The following BTBD7 variants were observed in gnomAD, a reference collection of about 807,000 sequenced individuals.
BTBD7 encodes the protein BTB domain containing 7.
BTBD7 carries 38 observed loss-of-function variants against 99.9 expected under a neutral mutation model. That is an observed-to-expected ratio of 0.38 (90% confidence interval 0.29 to 0.50). The LOEUF is 0.50. Among genes scored for constraint, BTBD7 ranks in the 20% least tolerant of loss-of-function variants. The pLI, the probability that BTBD7 is intolerant of heterozygous loss-of-function variation, is 0.93. For missense variants in BTBD7, 1,170 were observed against 1,394.6 expected, an observed-to-expected ratio of 0.84 and a Z score of 2.57; for synonymous variants, 520 against 511.4, an observed-to-expected ratio of 1.02 and a Z score of -0.23.
chr14:93,258,495 C>CA (rs1467219537), intron 5 of BTBD7, among the ~76,000 whole-genome samples: 1 of 152,070 alleles, frequency 6.6e-6, no homozygotes, highest in African/African-American at 2.4e-5. Context: ...CTGACTGAAA[C>CA]AAAGCTATGG....
In BTBD7 at chr14:93,246,058, G is replaced by A. The variant is rs761182084; in HGVS notation, c.2350C>T (p.Pro784Ser). ...NQLKAGWKQR[P>S]PSQHPSRSFS... ...GAACGTGAAGGGTGCTGACTGGGAG[G>A]TCTTTGCTTCCAGCCTGCTTTGAGT... The change falls in exon 10 of 11, where the codon CCT becomes TCT. Residue 784 changes from proline to serine, a missense_variant. Physicochemically the swap from Pro to Ser is moderately conservative, Grantham distance 74. This residue lies in a region of BTBD7 where 495 missense variants were observed against 525.9 expected (regional missense o/e 0.94). Transcript: ENST00000334746. The A allele has an allele frequency of 6.8e-6, 11 of 1,606,106 alleles. No individual in the cohort carries two copies. In the African/African-American group the frequency reaches 1.5e-4, roughly 22 times the overall value.
intron 3 of BTBD7, among the ~76,000 whole-genome samples, chr14:93,283,993 CTTAGA>C (rs2052750396): frequency 6.6e-6 from 1 of 152,118 alleles, no homozygotes; most frequent in South Asian, 2.1e-4. Flanking sequence ...AGATACTTAA[CTTAGA>C]TTAAGAATTT....
intron 1 of BTBD7, among the ~76,000 whole-genome samples, chr14:93,323,363 C>G (rs1449098386): frequency 6.6e-6 from 1 of 152,170 alleles, no homozygotes; most frequent in Non-Finnish European, 1.5e-5. Context: ...CCCATCCTTC[C>G]TCCCTTATCA....
intron 3 of BTBD7, among the ~76,000 whole-genome samples, chr14:93,277,817 T>C (rs779082484): frequency 1.3e-5 from 2 of 152,156 alleles, no homozygotes; most frequent in Non-Finnish European, 2.9e-5. Context: ...GGGAGCGTAG[T>C]CTGAAGAGAG....
intron 1 of BTBD7, among the ~76,000 whole-genome samples, chr14:93,323,999 A>G (rs1299893530): frequency 1.3e-5 from 2 of 152,260 alleles, no homozygotes; most frequent in Non-Finnish European, 2.9e-5. Flanking sequence ...TCAGGCATAC[A>G]AGCAATTATA....
At chr14:93,299,738 T>C (rs2052970699) in intron 1 of BTBD7, among the ~76,000 whole-genome samples, 1 of 151,990 alleles carries the variant, frequency 6.6e-6, no homozygotes. Flanking sequence ...AAAAGAGAAG[T>C]CAACTTTCTC....
intron 3 of BTBD7, among the ~76,000 whole-genome samples, chr14:93,283,363 C>T (rs1419552788): frequency 6.6e-6 from 1 of 152,142 alleles, no homozygotes; most frequent in Non-Finnish European, 1.5e-5. Context: ...CAAGTGTGAG[C>T]CACCATCCCC....
Position 93,251,620 on chromosome 14 carries a change from C to T in BTBD7, c.1785G>A (p.Thr595=), listed in dbSNP as rs139162225. ...SVLDEMMVEQ[T]DLVRLRMVRM... is the part of the protein sequence containing the mutation. ...TAACCATTCGCAAGCGCACAAGATC[C>T]GTTTGTTCCACCATCATCTCATCTA... The change falls in exon 8 of 11, where the codon ACG becomes ACA. Residue 595 remains threonine, a synonymous_variant. Transcript: ENST00000334746. 212 of 1,612,962 alleles carry T rather than the reference C, an allele frequency of 1.3e-4. 1 individual carries two copies. In the African/African-American group the frequency reaches 2.2e-3, roughly 17 times the overall value.
rs1305533064 is a variant in BTBD7 at position 93,263,820 on chromosome 14, G to T, written c.1336C>A (p.His446Asn). ...SDVFYELSKD[H>N]LLTAIQSDYL... ...TCAGACTGGATAGCAGTAAGCAGAT[G>T]GTCTTTGCTGAGTTCATAAAAAACA... is the stretch of plus-strand genomic sequence containing the variant. Residue 446 changes from histidine to asparagine, a missense_variant, in exon 4 of 11, where the codon CAT becomes AAT. His to Asn is a moderately conservative substitution (Grantham distance 68). This residue lies in a region of BTBD7 where 309 missense variants were observed against 342.0 expected (regional missense o/e 0.90). Coordinates refer to ENST00000334746, the MANE Select transcript of BTBD7 (RefSeq NM_001002860.4). 1 of 1,614,110 alleles carries T rather than the reference G, an allele frequency of 6.2e-7. No homozygotes were observed. Among genetic ancestry groups the T allele is most frequent in the South Asian group, 1.1e-5 (1 of 91,070 alleles).
intron 1 of BTBD7, among the ~76,000 whole-genome samples, chr14:93,318,368 A>G (rs555739967): frequency 3.9e-5 from 6 of 152,354 alleles, no homozygotes; most frequent in Non-Finnish European, 7.3e-5. Flanking sequence ...GAATACTTAC[A>G]GTGCTCTATT....
chr14:93,294,994 G>A (rs1400980711), intron 2 of BTBD7, 57 bp from the exon 3 acceptor site: 15 of 1,441,324 alleles, frequency 1.0e-5, no homozygotes, highest in East Asian at 4.8e-5. Flanking sequence ...CATTTTCAAC[G>A]TTTAACATTT....
chr14:93,332,227 T>G (rs2053440775), intron 1 of BTBD7: 1 of 152,262 alleles, frequency 6.6e-6, no homozygotes, highest in Admixed American at 6.5e-5. Context: ...CTCCTCTTCT[T>G]TATCAAACAC....
chr14:93,254,232 C>T (rs985631535), intron 6 of BTBD7, among the ~76,000 whole-genome samples: 13 of 152,052 alleles, frequency 8.5e-5, no homozygotes, highest in East Asian at 1.9e-4. Context: ...CCACCGTGCC[C>T]GGTGAAATAC....
chr14:93,294,609 C>A lies in BTBD7; in HGVS notation c.411G>T (p.Glu137Asp). 6.2e-7 allele frequency: 1 copy of A among 1,614,068 alleles called. No homozygotes were observed. The highest frequency in any genetic ancestry group is 8.5e-7 in the Non-Finnish European group (1 of 1,180,038). Residue 137 changes from glutamate to aspartate, a missense_variant, in exon 3 of 11, where the codon GAG becomes GAT. Glu to Asp is a conservative substitution (Grantham distance 45, BLOSUM62 2). Coordinates refer to ENST00000334746, the MANE Select transcript of BTBD7 (RefSeq NM_001002860.4). ...AGTCTACATCAGTACAATACTTGTA[C>A]TCATAAAGATCAGCCATATCTTTCT... ...TLQKDMADLY[E>D]YKYCTDVDLI... is the part of the protein sequence containing the mutation.
rs1054346911 is a variant in BTBD7 at position 93,263,912 on chromosome 14, G to C, written c.1244C>G (p.Ser415Cys). The change falls in exon 4 of 11, where the codon TCT becomes TGT. Residue 415 changes from serine to cysteine, a missense_variant. Physicochemically the swap from Ser to Cys is moderately radical, Grantham distance 112. Coordinates refer to ENST00000334746, the MANE Select transcript of BTBD7 (RefSeq NM_001002860.4). The part of the protein sequence containing the change: ...ILKWSSHPYG[S>C]KWVHRQALHF... ...TAAAGCTTGTCGGTGCACCCATTTA[G>C]AGCCATATGGATGAGAACTCCACTT... The C allele has an allele frequency of 6.2e-7, 1 of 1,614,158 alleles. No individual in the cohort carries two copies. The highest frequency in any genetic ancestry group is 1.3e-5 in the African/African-American group (1 of 75,032).
intron 1 of BTBD7, among the ~76,000 whole-genome samples, chr14:93,325,201 C>T (rs994020131): frequency 4.0e-5 from 6 of 150,588 alleles, no homozygotes; most frequent in Admixed American, 2.7e-4. Flanking sequence ...GCAACCTCCG[C>T]CTCTTGGGGA....
At chr14:93,287,088 G>C (rs953952031) in intron 3 of BTBD7, among the ~76,000 whole-genome samples, 6 of 152,020 alleles carry the variant, frequency 3.9e-5, no homozygotes, top group African/African-American at 9.7e-5. Context: ...AATTAGCCGG[G>C]CATGGTGGCA....
At chr14:93,321,841 G>A (rs1256090217) in intron 1 of BTBD7, among the ~76,000 whole-genome samples, 2 of 151,974 alleles carry the variant, frequency 1.3e-5, no homozygotes, top group Non-Finnish European at 2.9e-5. Flanking sequence ...CATTTGGGAT[G>A]ATATCCAAGA....
At chr14:93,317,211 G>A (rs1345181347) in intron 1 of BTBD7, among the ~76,000 whole-genome samples, 1 of 152,042 alleles carries the variant, frequency 6.6e-6, no homozygotes, top group African/African-American at 2.4e-5. Flanking sequence ...CACTATGTTG[G>A]CCAGGCTGGT....
Sources: allele counts gnomAD v4.1 joint callset (sites outside exome capture counted in the v4.1 genomes callset), GRCh38; gene constraint gnomAD v4.1.1; regional missense constraint gnomAD v4.1.1; transcripts MANE v1.5; gene names NCBI Gene and HGNC (gene_info 2026-07-23, HGNC 2026-07-21).